The following NEMP2 variants were observed in gnomAD, a reference collection of about 807,000 sequenced individuals.
NEMP2 encodes nuclear envelope integral membrane protein 2.
NEMP2 carries 53 observed loss-of-function variants against 54.2 expected under a neutral mutation model. That is an observed-to-expected ratio of 0.98 (90% confidence interval 0.78 to 1.23). NEMP2 has a LOEUF of 1.23. Ranked by LOEUF, NEMP2 falls within the 50% of genes most tolerant of loss-of-function variation. NEMP2 has a pLI of 0.00. For synonymous variants in NEMP2, 197 were observed against 190.3 expected (o/e 1.04, Z -0.29); for missense variants, 455 against 511.3 (o/e 0.89, Z 1.06).
the NEMP2 span, chr2:190,488,632 C>T: frequency 9.8e-6 from 14 of 1,424,542 alleles, no homozygotes; most frequent in African/African-American, 2.1e-4. The surrounding 1 kb of genome is among the most constrained non-coding windows in gnomAD (Gnocchi z 6.4). Context: ...ACCAACTAAT[C>T]CCTCCTGCTC....
the NEMP2 span, among the ~76,000 whole-genome samples, chr2:190,423,490 T>C: frequency 6.6e-6 from 1 of 152,236 alleles, no homozygotes; most frequent in Non-Finnish European, 1.5e-5. This position sits in a 1 kb window ranked among gnomAD's most constrained non-coding sequence, Gnocchi z 4.3. Context: ...CTGCATAATA[T>C]CCCATAGTAA....
chr2:190,505,813 T>C lies in NEMP2; in HGVS notation c.*3376A>G, dbSNP rs1390169444. The C allele has an allele frequency of 1.3e-5, 2 of 152,334 alleles. No homozygotes were observed. The highest frequency in any genetic ancestry group is 1.3e-4 in the Admixed American group (2 of 15,298). 9.4% of individuals were successfully genotyped at this position (152,334 alleles called of 1,614,324 possible). On this transcript the variant is annotated 3_prime_UTR_variant, in exon 9 of 9. Transcript: ENST00000409150. This position sits in a 1 kb window ranked among gnomAD's most constrained non-coding sequence, Gnocchi z 5.8. ...GAGGAAAAAGTTGGCAGGACCTGCA[T>C]AAAGGAAGGCGTGGTCTTTGTCAAC...
Position 190,525,034 on chromosome 2 carries a change from T to C in NEMP2, c.213+229A>G, listed in dbSNP as rs1278507403. On this transcript the variant is annotated intron_variant, in intron 2 of 8. Coordinates refer to ENST00000409150, the MANE Select transcript of NEMP2 (RefSeq NM_001142645.2). The surrounding 1 kb of genome is among the most constrained non-coding windows in gnomAD (Gnocchi z 5.0). ...TGTATACATTTAGATAGTATATTCATTGGGAGTGGCTTGGGAGGGGCTGAG... is the reference window on the plus strand; with the variant it reads ...TGTATACATTTAGATAGTATATTCACTGGGAGTGGCTTGGGAGGGGCTGAG... Among the ~76,000 whole-genome samples the C allele has an allele frequency of 6.6e-6, 1 of 152,210 alleles. No homozygotes were observed. The highest frequency in any genetic ancestry group is 1.5e-5 in the Non-Finnish European group (1 of 68,044).
the NEMP2 span, among the ~76,000 whole-genome samples, chr2:190,598,063 T>C: frequency 3.9e-5 from 6 of 152,132 alleles, no homozygotes; most frequent in African/African-American, 1.4e-4. Context: ...ATCCTGTGTA[T>C]TGTAGGATGT....
At chr2:190,516,936 C>G (rs1254457297) in intron 5 of NEMP2, among the ~76,000 whole-genome samples, 26 of 151,636 alleles carry the variant, frequency 1.7e-4, no homozygotes, top group Admixed American at 1.6e-3. Flanking sequence ...ACAAAAAATA[C>G]AAAAATTAGC....
At chr2:190,482,903 T>TTTTG in the NEMP2 span, among the ~76,000 whole-genome samples, 3,172 of 85,982 alleles carry the variant, frequency 0.037, 1,160 homozygotes, top group East Asian at 0.1. Context: ...TTTTTTTTTT[T>TTTTG]AGACGGAGTC....
At chr2:190,606,884 A>C in the NEMP2 span, among the ~76,000 whole-genome samples, 1 of 152,168 alleles carries the variant, frequency 6.6e-6, no homozygotes, top group Non-Finnish European at 1.5e-5. Flanking sequence ...TTGTGGAGCA[A>C]ATGACCTCTT....
In NEMP2 at chr2:190,505,828, T is replaced by C. The variant is rs1690174556; in HGVS notation, c.*3361A>G. The C allele has an allele frequency of 6.6e-6, 1 of 152,158 alleles. No homozygotes were observed. The highest frequency in any genetic ancestry group is 2.1e-4 in the South Asian group (1 of 4,820). The allele number at this position is 152,158 out of a possible 1,614,324, so 9.4% of individuals were successfully genotyped here. A position where few individuals can be genotyped will look rare whatever the true frequency, so the allele number is the denominator to read the frequency against. The stretch of plus-strand genomic sequence containing the variant: ...AGGACCTGCATAAAGGAAGGCGTGG[T>C]CTTTGTCAACAGACCTGGTATCTCA... On this transcript the variant is annotated 3_prime_UTR_variant, in exon 9 of 9. Transcript: ENST00000409150. The surrounding 1 kb of genome is among the most constrained non-coding windows in gnomAD (Gnocchi z 5.8).
At chr2:190,606,737 A>C in the NEMP2 span, among the ~76,000 whole-genome samples, 1 of 152,304 alleles carries the variant, frequency 6.6e-6, no homozygotes, top group African/African-American at 2.4e-5. Flanking sequence ...AAGAAAATTC[A>C]ACAAGAAACT....
In NEMP2 at chr2:190,508,916, C is replaced by T. The variant is rs1690261696; in HGVS notation, c.*273G>A. 1 of 439,926 alleles carries T rather than the reference C, an allele frequency of 2.3e-6. No individual in the cohort carries two copies. Among genetic ancestry groups the T allele is most frequent in the Admixed American group, 3.7e-5 (1 of 26,994 alleles). 27.3% of individuals were successfully genotyped at this position (439,926 alleles called of 1,614,324 possible). A position where few individuals can be genotyped will look rare whatever the true frequency, so the allele number is the denominator to read the frequency against. Reference sequence around the variant, plus strand: ...CTAGCCCCTTAAGAACAACGCCATTCCCCTGTTCCTAATGAAAGCCTTCAT... The same window carrying T: ...CTAGCCCCTTAAGAACAACGCCATTTCCCTGTTCCTAATGAAAGCCTTCAT... On this transcript the variant is annotated 3_prime_UTR_variant, in exon 9 of 9. Transcript: ENST00000409150. This position sits in a 1 kb window ranked among gnomAD's most constrained non-coding sequence, Gnocchi z 4.3.
At chr2:190,540,311 C>T in the NEMP2 span, among the ~76,000 whole-genome samples, 2 of 151,314 alleles carry the variant, frequency 1.3e-5, no homozygotes, top group Admixed American at 6.6e-5. Context: ...TGAGACAGCA[C>T]CTCACTTTAT....
At chr2:190,456,219 G>A in the NEMP2 span, among the ~76,000 whole-genome samples, 2 of 152,086 alleles carry the variant, frequency 1.3e-5, no homozygotes, top group Non-Finnish European at 2.9e-5. This position sits in a 1 kb window ranked among gnomAD's most constrained non-coding sequence, Gnocchi z 5.4. Flanking sequence ...AGGATTACAG[G>A]TGTGAGCCAC....
chr2:190,526,511 CAGA>C (rs1395020779), intron 1 of NEMP2, among the ~76,000 whole-genome samples: 19 of 152,242 alleles, frequency 1.2e-4, no homozygotes, highest in African/African-American at 4.3e-4. Context: ...AAACTGAAAG[CAGA>C]AGAACCACTA....
At chr2:190,431,790 T>G in the NEMP2 span, among the ~76,000 whole-genome samples, 7 of 152,334 alleles carry the variant, frequency 4.6e-5, no homozygotes, top group African/African-American at 9.6e-5. This position sits in a 1 kb window ranked among gnomAD's most constrained non-coding sequence, Gnocchi z 4.4. Flanking sequence ...GAAATTGCCT[T>G]AAATTTTTCT....
chr2:190,606,878 G>A, the NEMP2 span, among the ~76,000 whole-genome samples: 1 of 152,072 alleles, frequency 6.6e-6, no homozygotes, highest in Non-Finnish European at 1.5e-5. Context: ...ATTTAATTGT[G>A]GAGCAAATGA....
rs1691003637 is a variant in NEMP2, at chr2:190,528,022, A to G, written c.98-2644T>C. On this transcript the variant is annotated intron_variant, in intron 1 of 8. Transcript: ENST00000409150. This position sits in a 1 kb window ranked among gnomAD's most constrained non-coding sequence, Gnocchi z 4.3. The stretch of plus-strand genomic sequence containing the variant: ...GGCTCTCTGTTAAATACAGGATACT[A>G]AAAATGAAAAACATGCTCCTGCATG... Among the ~76,000 whole-genome samples the G allele has an allele frequency of 6.6e-6, 1 of 152,208 alleles. No individual in the cohort carries two copies. The highest frequency in any genetic ancestry group is 1.5e-5 in the Non-Finnish European group (1 of 68,026).
the NEMP2 span, among the ~76,000 whole-genome samples, chr2:190,612,532 A>T: frequency 1.3e-5 from 2 of 152,198 alleles, no homozygotes; most frequent in Non-Finnish European, 2.9e-5. Context: ...TATATAAAAT[A>T]TCTTTTCTTT....
chr2:190,543,463 G>A, the NEMP2 span, among the ~76,000 whole-genome samples: 1 of 152,310 alleles, frequency 6.6e-6, no homozygotes, highest in South Asian at 2.1e-4. This position sits in a 1 kb window ranked among gnomAD's most constrained non-coding sequence, Gnocchi z 4.7. Context: ...ACCATCTTGG[G>A]TTCCCTGGCA....
chr2:190,428,362 G>A, the NEMP2 span, among the ~76,000 whole-genome samples: 9 of 152,220 alleles, frequency 5.9e-5, no homozygotes, highest in African/African-American at 1.9e-4. Context: ...CTTACACTCA[G>A]GATTAGTAGC....
Sources: allele counts gnomAD v4.1 joint callset (sites outside exome capture counted in the v4.1 genomes callset), GRCh38; gene constraint gnomAD v4.1.1; non-coding constraint Gnocchi (gnomAD v3.1); transcripts MANE v1.5; gene names NCBI Gene and HGNC (gene_info 2026-07-23, HGNC 2026-07-21).